The following FGD2 variants were observed in gnomAD, a reference collection of about 807,000 sequenced individuals.
The protein encoded by FGD2 is FYVE, RhoGEF and PH domain containing 2, also known as FYVE, RhoGEF and PH domain-containing protein 2.
Under a neutral mutation model 75.9 loss-of-function variants are expected in FGD2, and 52 were observed. That is an observed-to-expected ratio of 0.69 (90% CI 0.55 to 0.86). The LOEUF (loss-of-function observed/expected upper bound fraction) is 0.86. Ranked by LOEUF, FGD2 falls within the 40% of genes least tolerant of loss-of-function variation. The pLI, the probability that FGD2 is intolerant of heterozygous loss-of-function variation, is 0.00. For synonymous variants in FGD2, 347 were observed against 348.6 expected (o/e 1.00, Z 0.05); for missense variants, 790 against 872.0 (o/e 0.91, Z 1.18).
intron 9 of FGD2, among the ~76,000 whole-genome samples, chr6:37,016,708 A>G (rs998214537): frequency 2.0e-5 from 3 of 151,488 alleles, no homozygotes; most frequent in South Asian, 2.1e-4. Flanking sequence ...CAATTTTTGT[A>G]TTTTTGGTAG....
At chr6:37,023,534 C>T (rs1765685866) in intron 13 of FGD2, 1 of 152,208 alleles carries the variant, frequency 6.6e-6, no homozygotes, top group African/African-American at 2.4e-5. Context: ...CATCACAACC[C>T]CCTCTGTTTA....
At chr6:37,021,759 G>A (rs892795269) in intron 12 of FGD2, 155 bp downstream of exon 12, 14 of 674,376 alleles carry the variant, frequency 2.1e-5, no homozygotes, top group African/African-American at 7.3e-5. Context: ...CGCATCCCCC[G>A]ACTCAGGGCC....
At chr6:37,020,088 G>C (rs1159804543) in intron 9 of FGD2, among the ~76,000 whole-genome samples, 1 of 152,166 alleles carries the variant, frequency 6.6e-6, no homozygotes, top group East Asian at 1.9e-4. Flanking sequence ...CTGGCCTCTA[G>C]TGATCTACCC....
At chr6:37,010,271 G>A (rs893153070) in intron 2 of FGD2, among the ~76,000 whole-genome samples, 1 of 152,164 alleles carries the variant, frequency 6.6e-6, no homozygotes, top group Admixed American at 6.5e-5. Context: ...TTCTTGGCTT[G>A]AAGACAGCCA....
At chr6:37,011,437 C>T (rs1306976677) in intron 3 of FGD2, 1 of 569,244 alleles carries the variant, frequency 1.8e-6, no homozygotes, top group African/African-American at 1.9e-5. Context: ...TGATGAAGTC[C>T]AAGACCTCCA....
intron 9 of FGD2, among the ~76,000 whole-genome samples, chr6:37,019,318 G>A (rs756992209): frequency 3.9e-5 from 6 of 152,114 alleles, no homozygotes; most frequent in African/African-American, 7.2e-5. Flanking sequence ...CCACATGACC[G>A]CCTCCTCATT....
intron 6 of FGD2, 106 bp from the exon 7 acceptor site, chr6:37,014,540 C>A: frequency 7.7e-7 from 1 of 1,307,086 alleles, no homozygotes; most frequent in Non-Finnish European, 1.1e-6. Context: ...CTCCTGGGGG[C>A]TGTCATGGCA....
rs555971241 is a variant in FGD2, at chr6:37,025,956, C to A, written c.1605+18C>A. ...TCCTGGAGGTGAGGGCCACTGTCCC[C>A]GCGCTCACCATCCGTCCTCTGTTCA... On this transcript the variant is annotated intron_variant, in intron 14 of 15. Transcript: ENST00000274963. 6.2e-7 allele frequency: 1 copy of A among 1,613,264 alleles called. No individual in the cohort carries two copies.
At position 37,011,698 on chromosome 6, in the gene FGD2, G is replaced by A. The variant is rs781212112; in HGVS notation, c.379-8G>A. 7.4e-6 allele frequency: 12 copies of A among 1,613,462 alleles called. No individual in the cohort carries two copies. Among genetic ancestry groups the A allele is most frequent in the Middle Eastern group, 1.7e-4 (1 of 6,054 alleles). On this transcript the variant is annotated splice_polypyrimidine_tract_variant and splice_region_variant and intron_variant, in intron 3 of 15. Transcript: ENST00000274963. ...ACTGCAGTGAGTGACCTGTCGTGGC[G>A]GCTACAGGTGTTTTTCCAGGAGCTG...
Position 37,005,900 on chromosome 6 carries a change from G to T in FGD2, c.68+15G>T. On this transcript the variant is annotated intron_variant, in intron 1 of 15. Coordinates refer to ENST00000274963, the MANE Select transcript of FGD2 (RefSeq NM_173558.4). ...GAGAATAGCAGGTATGGGCAGCTGGGGTGGGAGGGTCACCATGGTGGGCTG... is the reference window on the plus strand; with the variant it reads ...GAGAATAGCAGGTATGGGCAGCTGGTGTGGGAGGGTCACCATGGTGGGCTG... 2.5e-6 allele frequency: 4 copies of T among 1,612,558 alleles called. No homozygotes were observed. Among genetic ancestry groups the T allele is most frequent in the Non-Finnish European group, 3.4e-6 (4 of 1,179,638 alleles).
intron 14 of FGD2, 135 bp from the exon 15 acceptor site, chr6:37,027,294 C>A: frequency 1.9e-6 from 2 of 1,054,242 alleles, no homozygotes; most frequent in Non-Finnish European, 2.7e-6. Context: ...TGGGACCTCT[C>A]TGAGCCTCAA....
chr6:37,014,899 T>C lies in FGD2; in HGVS notation c.890T>C (p.Leu297Pro), dbSNP rs2150774036. 1 of 1,613,840 alleles carries C rather than the reference T, an allele frequency of 6.2e-7. No homozygotes were observed. Among genetic ancestry groups the C allele is most frequent in the Non-Finnish European group, 8.5e-7 (1 of 1,179,862 alleles). The change falls in exon 8 of 16, where the codon CTG becomes CCG. Residue 297 changes from leucine (L) to proline (P), a missense_variant. Leu to Pro is a moderately conservative substitution (Grantham distance 98, BLOSUM62 -3). Transcript: ENST00000274963. ...SNAAITEMER[L>P]QDLWEVYQRL... ...TGCACCCCAACCCCCTAGGAGCGGC[T>C]GCAGGACCTGTGGGAGGTGTACCAG...
At position 37,028,136 on chromosome 6, in the gene FGD2, G is replaced by C. The variant is rs1200655427; in HGVS notation, c.1941G>C (p.Trp647Cys). The C allele has an allele frequency of 6.2e-6, 10 of 1,603,338 alleles. No homozygotes were observed. Among genetic ancestry groups the C allele is most frequent in the Non-Finnish European group, 8.5e-6 (10 of 1,175,324 alleles). Residue 647 changes from tryptophan (W) to cysteine (C), a missense_variant, in exon 16 of 16, where the codon TGG (tryptophan) becomes TGC (cysteine). By Grantham distance (215) the Trp-to-Cys change is radical. Coordinates refer to ENST00000274963, the MANE Select transcript of FGD2 (RefSeq NM_173558.4). ...CGGCCAGTGGCTGGAGCCCCAGCTGGCCCAACGATGGGGACCTGTCCGACT... is the reference window on the plus strand; with the variant it reads ...CGGCCAGTGGCTGGAGCCCCAGCTGCCCCAACGATGGGGACCTGTCCGACT... ...ERAASGWSPS[W>C]PNDGDLSD
chr6:37,013,286 G>C lies in FGD2; in HGVS notation c.528-323G>C, dbSNP rs186064953. 27 of 295,372 alleles carry C rather than the reference G, an allele frequency of 9.1e-5. No individual in the cohort carries two copies. In the East Asian group the frequency reaches 2.2e-3, roughly 24 times the overall value. 18.3% of individuals were successfully genotyped at this position (295,372 alleles called of 1,614,324 possible). A position where few individuals can be genotyped will look rare whatever the true frequency, so the allele number is the denominator to read the frequency against. On this transcript the variant is annotated intron_variant, in intron 4 of 15. Transcript: ENST00000274963. ...TGGAATGAGACATGCATCATGTCCT[G>C]GGTAGTGCTTGGTAGGTAGCCCTCG...
chr6:37,005,964 G>T (rs1335786629), intron 1 of FGD2, 79 bp downstream of exon 1: 7 of 1,525,254 alleles, frequency 4.6e-6, no homozygotes, highest in Non-Finnish European at 6.3e-6. Context: ...TCTCTCCCTG[G>T]GCCCTGCCCC....
At chr6:37,014,284 GT>G in intron 6 of FGD2, 184 bp downstream of exon 6, 1 of 759,646 alleles carries the variant, frequency 1.3e-6, no homozygotes, top group Non-Finnish European at 2.1e-6. Context: ...GCCCAGAGAG[GT>G]TTAGTGACTT....
rs34617818 is a variant in FGD2 at position 37,008,873 on chromosome 6, C to T, written c.108C>T (p.Asp36=). ...EAAPRGQRLE[D]VHHRPECRPP... ...CACCCAGAGGCCAGAGGCTAGAGGA[C>T]GTGCATCACCGCCCTGAGTGCAGGC... Residue 36 remains aspartate (D), a synonymous_variant, in exon 2 of 16, where the codon GAC becomes GAT. Coordinates refer to ENST00000274963, the MANE Select transcript of FGD2 (RefSeq NM_173558.4). 66 of 1,612,122 alleles carry T rather than the reference C, an allele frequency of 4.1e-5. No individual in the cohort carries two copies. Among genetic ancestry groups the T allele is most frequent in the Non-Finnish European group, 5.2e-5 (61 of 1,178,670 alleles).
intron 2 of FGD2, among the ~76,000 whole-genome samples, chr6:37,010,627 C>T (rs1764959025): frequency 6.6e-6 from 1 of 152,178 alleles, no homozygotes; most frequent in African/African-American, 2.4e-5. Flanking sequence ...GGGCTGGGCT[C>T]TTTCTCCGTG....
Position 37,028,258 on chromosome 6 carries a change from A to C in FGD2, c.*95A>C, listed in dbSNP as rs979931741. On this transcript the variant is annotated 3_prime_UTR_variant, in exon 16 of 16. Transcript: ENST00000274963. The stretch of plus-strand genomic sequence containing the variant: ...GTGGCCTCAGTGACCCACTGCCCCA[A>C]GTGGTGCTTTCAGAGAATTGATTCA... 1 of 1,235,780 alleles carries C rather than the reference A, an allele frequency of 8.1e-7. No homozygotes were observed. The allele number at this position is 1,235,780 out of a possible 1,614,324, so 76.6% of individuals were successfully genotyped here.
Sources: gnomAD v4.1 joint callset for allele counts (sites outside exome capture counted in the v4.1 genomes callset) on GRCh38, gnomAD v4.1.1 for gene constraint, MANE v1.5 for transcripts, NCBI Gene and HGNC (gene_info 2026-07-23, HGNC 2026-07-21) for gene names.